Variants in PPP4R3B observed in about 807,000 individuals in gnomAD.
PPP4R3B encodes the protein protein phosphatase 4 regulatory subunit 3B.
In PPP4R3B, 52 loss-of-function variants were observed where a neutral mutation model predicts 95.4. The observed-to-expected ratio is 0.54, with a 90% confidence interval of 0.44 to 0.69. PPP4R3B has a LOEUF of 0.69. Ranked by LOEUF, PPP4R3B falls within the 30% of genes least tolerant of loss-of-function variation. The pLI is 0.00. For synonymous variants in PPP4R3B, 407 were observed against 343.9 expected, an observed-to-expected ratio of 1.18 and a Z score of -2.03; for missense variants, 1,003 against 1,005.9, an observed-to-expected ratio of 1.00 and a Z score of 0.04.
intron 13 of PPP4R3B, among the ~76,000 whole-genome samples, chr2:55,566,949 G>C (rs1365647503): frequency 6.6e-6 from 1 of 152,228 alleles, no homozygotes; most frequent in Non-Finnish European, 1.5e-5. Flanking sequence ...CGAGGCTGCA[G>C]TGAACTGTGA....
chr2:55,605,135 C>A (rs536634369), intron 2 of PPP4R3B, among the ~76,000 whole-genome samples: 1 of 151,608 alleles, frequency 6.6e-6, no homozygotes, highest in South Asian at 2.1e-4. Context: ...CTGCACCCAG[C>A]CTACACACAC....
At chr2:55,557,489 T>G (rs1686006847) in intron 16 of PPP4R3B, among the ~76,000 whole-genome samples, 1 of 152,200 alleles carries the variant, frequency 6.6e-6, no homozygotes, top group African/African-American at 2.4e-5. Flanking sequence ...CAAACATTCT[T>G]AATGTAGTGT....
intron 12 of PPP4R3B, among the ~76,000 whole-genome samples, chr2:55,571,687 G>A (rs965868652): frequency 6.6e-6 from 1 of 152,124 alleles, no homozygotes; most frequent in Non-Finnish European, 1.5e-5. Context: ...GTGCAGTGTT[G>A]CGATTTCAGC....
At chr2:55,578,120 T>C in intron 10 of PPP4R3B, 127 bp downstream of exon 10, 1 of 963,036 alleles carries the variant, frequency 1.0e-6, no homozygotes, top group Non-Finnish European at 1.4e-6. Context: ...ATAAAAAATA[T>C]GCAGAATAAT....
chr2:55,596,337 G>C (rs1021819544), intron 4 of PPP4R3B, among the ~76,000 whole-genome samples: 7 of 46,678 alleles, frequency 1.5e-4, no homozygotes, highest in African/African-American at 6.1e-4. Context: ...CATCAGATTC[G>C]TCTATTTCGA....
chr2:55,574,966 C>G (rs1439117490), intron 11 of PPP4R3B, among the ~76,000 whole-genome samples: 4 of 130,284 alleles, frequency 3.1e-5, no homozygotes, highest in Admixed American at 2.6e-4. Context: ...GAGACGGAGT[C>G]TCACTCTGTA....
chr2:55,586,334 T>C (rs987748142), intron 6 of PPP4R3B, among the ~76,000 whole-genome samples: 4 of 152,152 alleles, frequency 2.6e-5, no homozygotes, highest in African/African-American at 9.6e-5. Context: ...ACAAAAGATA[T>C]TTTACTGGCT....
chr2:55,578,132 T>C, intron 10 of PPP4R3B, 115 bp downstream of exon 10: 1 of 1,050,890 alleles, frequency 9.5e-7, no homozygotes, highest in Non-Finnish European at 1.2e-6. Context: ...CAGAATAATA[T>C]GTATGACAGA....
At chr2:55,611,310 C>G (rs1341666532) in intron 2 of PPP4R3B, among the ~76,000 whole-genome samples, 1 of 152,196 alleles carries the variant, frequency 6.6e-6, no homozygotes, top group African/African-American at 2.4e-5. Flanking sequence ...CACAAGCACA[C>G]GCCACCACAC....
intron 2 of PPP4R3B, 101 bp from the exon 3 acceptor site, chr2:55,604,177 A>G: frequency 1.3e-6 from 1 of 766,650 alleles, no homozygotes; most frequent in South Asian, 2.3e-5. Context: ...AGCAATGACA[A>G]ATGCCCCGAT....
At chr2:55,570,981 A>G (rs148985328) in intron 12 of PPP4R3B, among the ~76,000 whole-genome samples, 1 of 152,322 alleles carries the variant, frequency 6.6e-6, no homozygotes, top group African/African-American at 2.4e-5. Context: ...ACTGCTTATA[A>G]TAATAGAAAT....
chr2:55,602,927 C>G (rs1285530635), intron 3 of PPP4R3B, among the ~76,000 whole-genome samples: 1 of 151,566 alleles, frequency 6.6e-6, no homozygotes, highest in Non-Finnish European at 1.5e-5. Context: ...CAGTAATAAA[C>G]AAATTTCCAC....
At chr2:55,550,387 C>T (rs1418514878) in intron 16 of PPP4R3B, among the ~76,000 whole-genome samples, 1 of 152,162 alleles carries the variant, frequency 6.6e-6, no homozygotes, top group Non-Finnish European at 1.5e-5. Context: ...AAGAAAGCCC[C>T]TTGTAGTCTT....
At chr2:55,596,259 G>A (rs1472219195) in intron 4 of PPP4R3B, among the ~76,000 whole-genome samples, 1 of 151,982 alleles carries the variant, frequency 6.6e-6, no homozygotes, top group Non-Finnish European at 1.5e-5. Context: ...CTTTCAAGGT[G>A]AAAATAAAAT....
intron 2 of PPP4R3B, chr2:55,614,467 T>G (rs1694628109): frequency 6.6e-6 from 1 of 152,164 alleles, no homozygotes; most frequent in African/African-American, 2.4e-5. Context: ...AAAATGAATG[T>G]GTGAAAAATG....
In PPP4R3B at chr2:55,573,761, T is replaced by C; in HGVS notation, c.1623A>G (p.Ala541=). 6.6e-7 allele frequency: 1 copy of C among 1,518,762 alleles called. No individual in the cohort carries two copies. The highest frequency in any genetic ancestry group is 8.8e-7 in the Non-Finnish European group (1 of 1,137,398). 94.1% of individuals were successfully genotyped at this position (1,518,762 alleles called of 1,614,324 possible). Residue 541 remains alanine, a synonymous_variant, in exon 12 of 17, where the codon GCA becomes GCG. Coordinates refer to ENST00000616407, the MANE Select transcript of PPP4R3B (RefSeq NM_001122964.3). ...NTICPDNYQT[A]QLLALILELL... ...ACTCTAAAATTAAGGCAAGTAGCTG[T>C]GCTGTTTGATAATTATCTACAAAAG...
chr2:55,586,361 A>G (rs1327160244), intron 6 of PPP4R3B, among the ~76,000 whole-genome samples: 1 of 152,160 alleles, frequency 6.6e-6, no homozygotes, highest in Non-Finnish European at 1.5e-5. Context: ...AAACACACTT[A>G]ATATTGTTAC....
chr2:55,586,975 C>A (rs1171451015), intron 5 of PPP4R3B, among the ~76,000 whole-genome samples: 2 of 152,172 alleles, frequency 1.3e-5, no homozygotes, highest in East Asian at 3.9e-4. Flanking sequence ...TAAATGTAAG[C>A]TGGCTTTCTG....
intron 2 of PPP4R3B, among the ~76,000 whole-genome samples, chr2:55,612,438 A>C (rs1295304025): frequency 6.6e-6 from 1 of 152,218 alleles, no homozygotes; most frequent in Non-Finnish European, 1.5e-5. Context: ...AATTAAGCTG[A>C]ATACAGCCAC....
Sources: gnomAD v4.1 joint callset for allele counts (sites outside exome capture counted in the v4.1 genomes callset) on GRCh38, gnomAD v4.1.1 for gene constraint, MANE v1.5 for transcripts, NCBI Gene and HGNC (gene_info 2026-07-23, HGNC 2026-07-21) for gene names.